Variants in FHDC1 observed in about 807,000 individuals in gnomAD.
The protein encoded by FHDC1 is FH2 domain-containing protein 1.
In FHDC1, 25 loss-of-function variants were observed where a neutral mutation model predicts 52.6. That is an observed-to-expected ratio of 0.48 (90% CI 0.35 to 0.66). The LOEUF (loss-of-function observed/expected upper bound fraction) is 0.66, where lower values mean the gene tolerates loss of function less well. FHDC1 is among the 30% of genes least tolerant of loss of function. FHDC1 has a pLI of 0.01. For missense variants in FHDC1, 1,459 were observed against 1,452.8 expected, an observed-to-expected ratio of 1.00 and a Z score of -0.07; for synonymous variants, 616 against 581.5, an observed-to-expected ratio of 1.06 and a Z score of -0.85.
At chr4:152,935,630 AAAAC>A (rs137926164), upstream of FHDC1, among the ~76,000 whole-genome samples, 3,508 of 148,126 alleles carry the variant, frequency 0.024, 107 homozygotes, top group East Asian at 0.078. Context: ...ATTAAAAACA[AAAAC>A]AAAATAAAAA....
rs58783965 is a variant in FHDC1, at chr4:152,963,769, G to GTTTTTTTTTTTTT, written c.1029+661_1029+673dup. ...GGAGTCTGATCCTATCCATTGCTTT[G>GTTTTTTTTTTTTT]TTTTTTTTTTTTTTTTTTTTTTTTT... is the stretch of plus-strand genomic sequence containing the variant. On this transcript the variant is annotated intron_variant, in intron 8 of 11. Transcript: ENST00000511601. Among the ~76,000 whole-genome samples the GTTTTTTTTTTTTT allele has an allele frequency of 6.9e-4, 36 of 51,800 alleles. 4 individuals carry two copies. The highest frequency in any genetic ancestry group is 1.2e-3 in the African/African-American group (19 of 15,444). The allele number at this position is 51,800 out of a possible 152,430, so 34.0% of individuals were successfully genotyped here. A position where few individuals can be genotyped will look rare whatever the true frequency, so the allele number is the denominator to read the frequency against.
intron 4 of FHDC1, among the ~76,000 whole-genome samples, chr4:152,955,642 G>A (rs972488169): frequency 4.6e-5 from 7 of 152,002 alleles, no homozygotes; most frequent in South Asian, 2.1e-4. Context: ...ATGCCACCAC[G>A]CCCCGCCTAA....
At chr4:152,922,638 A>G in the FHDC1 span, among the ~76,000 whole-genome samples, 183 of 152,270 alleles carry the variant, frequency 1.2e-3, no homozygotes, top group Non-Finnish European at 2.2e-3. Flanking sequence ...ATCCAGCAGC[A>G]CATCAAAAAG....
the FHDC1 span, among the ~76,000 whole-genome samples, chr4:152,912,846 G>A: frequency 6.6e-6 from 1 of 152,076 alleles, no homozygotes; most frequent in South Asian, 2.1e-4. Flanking sequence ...CAAATCTTAG[G>A]GTCCAGGAAC....
chr4:152,960,743 G>A lies in FHDC1; in HGVS notation c.750-1G>A. On this transcript the variant is annotated splice_acceptor_variant, in intron 5 of 11. Transcript: ENST00000511601. LOFTEE classifies it high-confidence loss of function. ...TACAGTTTTACTTTTTTATTTTTCA[G>A]CTATTCACTTCGGATTGAAGCCATG... The A allele has an allele frequency of 1.2e-6, 2 of 1,612,462 alleles. No homozygotes were observed. The highest frequency in any genetic ancestry group is 1.7e-6 in the Non-Finnish European group (2 of 1,179,614).
intron 6 of FHDC1, 148 bp from the exon 7 acceptor site, chr4:152,962,666 G>A (rs927201967): frequency 1.6e-6 from 1 of 631,402 alleles, no homozygotes; most frequent in Non-Finnish European, 2.8e-6. Context: ...CCCATAGAAT[G>A]TATTGCTTTG....
chr4:152,951,374 C>G (rs1054970798), intron 2 of FHDC1, among the ~76,000 whole-genome samples: 9 of 152,100 alleles, frequency 5.9e-5, no homozygotes, highest in African/African-American at 2.2e-4. Context: ...CTCCTCTCCT[C>G]CCTTTACACT....
At chr4:152,948,235 A>G (rs1739795829) in intron 2 of FHDC1, among the ~76,000 whole-genome samples, 1 of 152,230 alleles carries the variant, frequency 6.6e-6, no homozygotes, top group South Asian at 2.1e-4. Context: ...ATGTAGTGTT[A>G]CTCAAGTAGG....
intron 2 of FHDC1, among the ~76,000 whole-genome samples, chr4:152,948,188 G>T (rs1319315060): frequency 6.6e-6 from 1 of 152,148 alleles, no homozygotes; most frequent in Admixed American, 6.5e-5. Context: ...TCACATTTTT[G>T]TTTTTCAGGA....
At chr4:152,936,703 C>G (rs949253240) in intron 1 of FHDC1, among the ~76,000 whole-genome samples, 18 of 152,270 alleles carry the variant, frequency 1.2e-4, no homozygotes, top group Non-Finnish European at 2.4e-4. Flanking sequence ...CCGGTGTGGA[C>G]CCGCGTCTGG....
the FHDC1 span, among the ~76,000 whole-genome samples, chr4:152,923,127 A>G: frequency 1.3e-5 from 2 of 152,200 alleles, no homozygotes; most frequent in East Asian, 1.9e-4. Flanking sequence ...TCAGCCCAAA[A>G]TCTCCTTAAG....
At chr4:152,925,267 T>A in the FHDC1 span, among the ~76,000 whole-genome samples, 1 of 152,186 alleles carries the variant, frequency 6.6e-6, no homozygotes, top group African/African-American at 2.4e-5. Flanking sequence ...TTTTTAGCAA[T>A]GAAACATATG....
intron 1 of FHDC1, among the ~76,000 whole-genome samples, chr4:152,940,760 G>T (rs1029740418): frequency 2.6e-5 from 4 of 152,168 alleles, no homozygotes; most frequent in African/African-American, 7.2e-5. Flanking sequence ...CTATACATGA[G>T]ATATTTTATG....
chr4:152,967,770 C>T (rs1280456954), intron 9 of FHDC1, among the ~76,000 whole-genome samples: 2 of 152,220 alleles, frequency 1.3e-5, no homozygotes, highest in Admixed American at 6.5e-5. Context: ...ACAACCTGCT[C>T]TCTTTGAACC....
intron 4 of FHDC1, among the ~76,000 whole-genome samples, chr4:152,955,704 T>C (rs1156473097): frequency 5.3e-5 from 8 of 152,206 alleles, no homozygotes; most frequent in Non-Finnish European, 1.0e-4. Context: ...TCTTGAACTC[T>C]TGACATCAAG....
intron 11 of FHDC1, among the ~76,000 whole-genome samples, chr4:152,972,899 G>A (rs1326643509): frequency 4.6e-5 from 7 of 152,174 alleles, no homozygotes; most frequent in South Asian, 2.1e-4. Flanking sequence ...TTTCTCTCCC[G>A]CTCCCAGAAG....
the FHDC1 span, chr4:152,912,213 G>A: frequency 6.6e-6 from 1 of 151,950 alleles, no homozygotes; most frequent in Non-Finnish European, 1.5e-5. Flanking sequence ...AAAGAAAAAA[G>A]TAAATCAATA....
At chr4:152,939,020 G>A (rs1105889) in intron 1 of FHDC1, among the ~76,000 whole-genome samples, 57,228 of 151,886 alleles carry the variant, frequency 0.38, 11,792 homozygotes, top group Admixed American at 0.49. Context: ...ACTGTGAGAT[G>A]AAGCCTATAT....
chr4:152,927,376 G>C, the FHDC1 span: 1 of 748,008 alleles, frequency 1.3e-6, no homozygotes, highest in South Asian at 1.4e-5. Flanking sequence ...CAAAATATCT[G>C]AGACAGGTCT....
Sources: allele counts gnomAD v4.1 joint callset (sites outside exome capture counted in the v4.1 genomes callset), GRCh38; gene constraint gnomAD v4.1.1; transcripts MANE v1.5; gene names NCBI Gene and HGNC (gene_info 2026-07-23, HGNC 2026-07-21).